GOLM1: variants seen among roughly 807,000 people sequenced by gnomAD.
GOLM1 encodes epididymis luminal protein 46.
Under a neutral mutation model 50.5 loss-of-function variants are expected in GOLM1, and 31 were observed. The observed-to-expected ratio is 0.61, with a 90% CI of 0.46 to 0.83. GOLM1 has a LOEUF of 0.83. Ranked by LOEUF, GOLM1 falls within the 40% of genes least tolerant of loss-of-function variation. The pLI, the probability that GOLM1 is intolerant of heterozygous loss-of-function variation, is 0.00. For synonymous variants in GOLM1, 178 were observed against 192.8 expected, an observed-to-expected ratio of 0.92 and a Z score of 0.64; for missense variants, 491 against 501.3, an observed-to-expected ratio of 0.98 and a Z score of 0.20.
At chr9:86,087,619 A>G (rs577472279) in intron 1 of GOLM1, among the ~76,000 whole-genome samples, 1 of 152,316 alleles carries the variant, frequency 6.6e-6, no homozygotes, top group South Asian at 2.1e-4. Flanking sequence ...CATTCCATCA[A>G]TACCTAGTTT....
At chr9:86,048,992 A>C (rs1296963508) in intron 4 of GOLM1, among the ~76,000 whole-genome samples, 1 of 152,124 alleles carries the variant, frequency 6.6e-6, no homozygotes, top group Non-Finnish European at 1.5e-5. Flanking sequence ...TTTCTTCTAG[A>C]GTTTTTATGG....
chr9:86,052,453 A>G, intron 4 of GOLM1, 84 bp downstream of exon 4: 2 of 1,093,932 alleles, frequency 1.8e-6, no homozygotes, highest in Non-Finnish European at 2.8e-6. Flanking sequence ...TATAATGGAG[A>G]CCCACCTGGG....
intron 3 of GOLM1, among the ~76,000 whole-genome samples, chr9:86,054,756 AAAAC>A (rs373850020): frequency 7.2e-5 from 11 of 152,200 alleles, no homozygotes; most frequent in African/African-American, 2.7e-4. Flanking sequence ...CCTAATGTTA[AAAAC>A]AAACAAAAGC....
At chr9:86,095,772 G>C (rs1270414984) in intron 1 of GOLM1, among the ~76,000 whole-genome samples, 1 of 152,158 alleles carries the variant, frequency 6.6e-6, no homozygotes, top group Non-Finnish European at 1.5e-5. Flanking sequence ...TACTGATAGA[G>C]GGATGGAGAC....
At chr9:86,081,289 C>T (rs1023099403) in intron 1 of GOLM1, among the ~76,000 whole-genome samples, 6 of 151,264 alleles carry the variant, frequency 4.0e-5, no homozygotes, top group African/African-American at 1.2e-4. Flanking sequence ...CTCTGCCTCC[C>T]GGGTTAAAGC....
chr9:86,062,265 G>A (rs1215032665), intron 3 of GOLM1, among the ~76,000 whole-genome samples: 1 of 152,140 alleles, frequency 6.6e-6, no homozygotes, highest in Non-Finnish European at 1.5e-5. Flanking sequence ...AGGTCCATGA[G>A]GTGTGGTGGC....
intron 3 of GOLM1, among the ~76,000 whole-genome samples, chr9:86,053,210 C>A (rs1286213876): frequency 1.0e-4 from 13 of 125,012 alleles, no homozygotes; most frequent in Non-Finnish European, 1.7e-4. Context: ...CCAAACCACA[C>A]ACATCACACC....
At chr9:86,077,370 A>G (rs778831563) in intron 3 of GOLM1, 42 bp downstream of exon 3, 147 of 1,505,848 alleles carry the variant, frequency 9.8e-5, no homozygotes, top group Non-Finnish European at 1.3e-4. Flanking sequence ...TGTAGACACC[A>G]TCCCTTAGAA....
At chr9:86,030,778 G>A (rs967434357) in intron 9 of GOLM1, among the ~76,000 whole-genome samples, 5 of 152,192 alleles carry the variant, frequency 3.3e-5, no homozygotes, top group Non-Finnish European at 7.3e-5. Flanking sequence ...TATATAAGAT[G>A]TTAACATTTG....
At chr9:86,052,960 C>T (rs141599196) in intron 3 of GOLM1, among the ~76,000 whole-genome samples, 3 of 147,972 alleles carry the variant, frequency 2.0e-5, no homozygotes, top group Non-Finnish European at 4.5e-5. Context: ...CACCACACCA[C>T]ACAGCACTCC....
chr9:86,092,252 G>A (rs969566550), intron 1 of GOLM1, among the ~76,000 whole-genome samples: 8 of 152,250 alleles, frequency 5.3e-5, no homozygotes, highest in African/African-American at 1.9e-4. Flanking sequence ...ATTAGGGATG[G>A]AAAGATGAAC....
intron 3 of GOLM1, among the ~76,000 whole-genome samples, chr9:86,074,607 C>T (rs536225285): frequency 6.6e-6 from 1 of 152,184 alleles, no homozygotes; most frequent in African/African-American, 2.4e-5. Context: ...TGGGGGCTCT[C>T]TAGGGTCTAG....
At chr9:86,065,977 T>G (rs564182618) in intron 3 of GOLM1, among the ~76,000 whole-genome samples, 6 of 151,922 alleles carry the variant, frequency 3.9e-5, no homozygotes, top group Non-Finnish European at 8.8e-5. Context: ...GAGGCGGAGG[T>G]TGCAGTGAGC....
rs779017838 is a variant in GOLM1 at position 86,027,693 on chromosome 9, CAAT to C, written c.*121_*123del. On this transcript the variant is annotated 3_prime_UTR_variant, in exon 10 of 10. Transcript: ENST00000388712. ...ACACAAAGTGCATACTAAAATTTCA[CAAT>C]AATCATCTTCAGATGTACATTTTAT... The C allele has an allele frequency of 8.1e-5, 115 of 1,427,954 alleles. No homozygotes were observed. Among genetic ancestry groups the C allele is most frequent in the Non-Finnish European group, 1.0e-4 (109 of 1,090,762 alleles). 88.5% of individuals were successfully genotyped at this position (1,427,954 alleles called of 1,614,324 possible). A position where few individuals can be genotyped will look rare whatever the true frequency, so the allele number is the denominator to read the frequency against.
chr9:86,062,568 T>G (rs1834192302), intron 3 of GOLM1, among the ~76,000 whole-genome samples: 1 of 129,004 alleles, frequency 7.8e-6, no homozygotes, highest in African/African-American at 3.0e-5. Flanking sequence ...AGGAAAGGGA[T>G]GGAAGGAAGA....
intron 4 of GOLM1, among the ~76,000 whole-genome samples, chr9:86,051,497 C>T (rs1483337262): frequency 1.3e-5 from 2 of 152,096 alleles, no homozygotes; most frequent in Non-Finnish European, 2.9e-5. Context: ...GTGTGGGAGA[C>T]TAAGTCTCTT....
intron 4 of GOLM1, among the ~76,000 whole-genome samples, chr9:86,047,970 C>A (rs997011071): frequency 6.6e-6 from 1 of 152,032 alleles, no homozygotes; most frequent in Admixed American, 6.5e-5. Context: ...TGTTGGTGTG[C>A]TGCACCCATT....
At chr9:86,032,402 G>A (rs375799668) in intron 9 of GOLM1, among the ~76,000 whole-genome samples, 7 of 152,068 alleles carry the variant, frequency 4.6e-5, no homozygotes, top group African/African-American at 9.7e-5. Flanking sequence ...CTCTTGACCC[G>A]CTGATCTGCC....
chr9:86,084,654 TA>T (rs1424397113), intron 1 of GOLM1, among the ~76,000 whole-genome samples: 1 of 152,172 alleles, frequency 6.6e-6, no homozygotes, highest in Non-Finnish European at 1.5e-5. Context: ...CTAAACTATA[TA>T]AAAAATTATT....
Sources: gnomAD v4.1 joint callset for allele counts (sites outside exome capture counted in the v4.1 genomes callset) on GRCh38, gnomAD v4.1.1 for gene constraint, MANE v1.5 for transcripts, NCBI Gene and HGNC (gene_info 2026-07-23, HGNC 2026-07-21) for gene names.